SLC26A11: variants seen among roughly 807,000 people sequenced by gnomAD.
SLC26A11 encodes sodium-independent sulfate anion transporter.
Under a neutral mutation model 62.2 loss-of-function variants are expected in SLC26A11, and 58 were observed. The ratio of observed to expected loss-of-function variants is 0.93; its 90% confidence interval spans 0.76 to 1.16. The LOEUF (loss-of-function observed/expected upper bound fraction) is 1.16. Among genes scored for constraint, SLC26A11 ranks in the 50% most tolerant of loss-of-function variants. The probability of loss-of-function intolerance (pLI) is 0.00; values close to 1 mark genes in which losing one functional copy is unlikely to be tolerated. For synonymous variants in SLC26A11, 411 were observed against 368.9 expected, an observed-to-expected ratio of 1.11 and a Z score of -1.31; for missense variants, 790 against 794.3, an observed-to-expected ratio of 0.99 and a Z score of 0.06.
chr17:80,238,899 C>T (rs1181934011), intron 9 of SLC26A11, among the ~76,000 whole-genome samples: 1 of 143,606 alleles, frequency 7.0e-6, no homozygotes, highest in Non-Finnish European at 1.5e-5. Context: ...GATCTCTGCT[C>T]ACTGCAACCT....
Position 80,221,626 on chromosome 17 carries a change from C to G in SLC26A11, c.66C>G (p.Ala22=). 1 of 1,610,810 alleles carries G rather than the reference C, an allele frequency of 6.2e-7. No homozygotes were observed. Among genetic ancestry groups the G allele is most frequent in the African/African-American group, 1.3e-5 (1 of 75,046 alleles). ...RSSGPGMAPS[A]CCCSPAALQR... ...CTGGCCCCGGGATGGCCCCGAGCGC[C>G]TGCTGCTGCTCCCCTGCGGCCCTGC... The change falls in exon 3 of 18, where the codon GCC becomes GCG. Residue 22 remains alanine (A), a synonymous_variant. Coordinates refer to ENST00000361193, the MANE Select transcript of SLC26A11 (RefSeq NM_001166347.2).
chr17:80,235,796 C>T (rs934820237), intron 7 of SLC26A11, among the ~76,000 whole-genome samples: 2 of 152,216 alleles, frequency 1.3e-5, no homozygotes, highest in African/African-American at 2.4e-5. Context: ...AGTTAAGTTA[C>T]TTAGGACAGT....
At chr17:80,245,083 C>T (rs575139718) in intron 10 of SLC26A11, 113 bp from the exon 11 acceptor site, 35 of 907,278 alleles carry the variant, frequency 3.9e-5, no homozygotes, top group South Asian at 2.6e-4. Context: ...GGATGATTCT[C>T]CCGAGCCCTG....
chr17:80,246,433 T>C lies in SLC26A11; in HGVS notation c.1154-76T>C. ...CACCCCTGTCCCCAGTGGGCTCTGC[T>C]GAACAAGAGGCTGCTACGCTGCGTG... On this transcript the variant is annotated intron_variant, in intron 12 of 17. Transcript: ENST00000361193. This position sits in a 1 kb window ranked among gnomAD's most constrained non-coding sequence, Gnocchi z 4.4. 1 of 1,583,950 alleles carries C rather than the reference T, an allele frequency of 6.3e-7. No individual in the cohort carries two copies. The highest frequency in any genetic ancestry group is 1.7e-5 in the Admixed American group (1 of 59,008).
At chr17:80,245,057 T>G (rs2042958931) in intron 10 of SLC26A11, 139 bp from the exon 11 acceptor site, 2 of 689,640 alleles carry the variant, frequency 2.9e-6, no homozygotes, top group Non-Finnish European at 2.6e-6. Flanking sequence ...AAGGAGTGCG[T>G]AGGCCCAGGC....
chr17:80,225,383 G>A (rs553534314), intron 5 of SLC26A11, among the ~76,000 whole-genome samples: 19 of 152,184 alleles, frequency 1.2e-4, no homozygotes, highest in Non-Finnish European at 2.6e-4. Context: ...GCGGAGCTGG[G>A]GGGTGGCGGG....
At chr17:80,225,701 TG>T in intron 5 of SLC26A11, 135 bp from the exon 6 acceptor site, 8 of 760,620 alleles carry the variant, frequency 1.1e-5, no homozygotes, top group Non-Finnish European at 1.8e-5. Context: ...GCCCCTAAGA[TG>T]GGCCCCGGGA....
At chr17:80,241,694 C>T (rs2042864751) in intron 9 of SLC26A11, 77 bp from the exon 10 acceptor site, 3 of 1,419,670 alleles carry the variant, frequency 2.1e-6, no homozygotes, top group East Asian at 4.6e-5. Context: ...AATTCATAAT[C>T]TGTGTTACAT....
intron 10 of SLC26A11, 89 bp downstream of exon 10, chr17:80,241,910 G>C (rs1598829516): frequency 7.2e-7 from 1 of 1,384,870 alleles, no homozygotes; most frequent in Non-Finnish European, 1.0e-6. Flanking sequence ...ATTGTAGGAA[G>C]ACCATGATGG....
At position 80,247,449 on chromosome 17, in the gene SLC26A11, G is replaced by A. The variant is rs528766608; in HGVS notation, c.1295-681G>A. 7.2e-5 allele frequency among the ~76,000 whole-genome samples: 11 copies of A among 152,274 alleles called. 1 individual carries two copies. In the South Asian group the frequency reaches 2.1e-3, roughly 29 times the overall value. On this transcript the variant is annotated intron_variant, in intron 13 of 17. Coordinates refer to ENST00000361193, the MANE Select transcript of SLC26A11 (RefSeq NM_001166347.2). Reference sequence around the variant, plus strand: ...CAGAGGCGCCCCTCACCTCCCGGACGGGAGCAGTTCCTTTAACTTAACACA... The same window carrying A: ...CAGAGGCGCCCCTCACCTCCCGGACAGGAGCAGTTCCTTTAACTTAACACA...
chr17:80,248,423 C>T, intron 14 of SLC26A11, 152 bp from the exon 15 acceptor site: 1 of 1,257,876 alleles, frequency 7.9e-7, no homozygotes, highest in Non-Finnish European at 1.1e-6. Flanking sequence ...TGTTCTCCCA[C>T]TGTGTGGGGG....
Position 80,228,280 on chromosome 17 carries a change from A to G in SLC26A11, c.736+320A>G, listed in dbSNP as rs1317055766. On this transcript the variant is annotated intron_variant, in intron 7 of 17. Coordinates refer to ENST00000361193, the MANE Select transcript of SLC26A11 (RefSeq NM_001166347.2). This position sits in a 1 kb window ranked among gnomAD's most constrained non-coding sequence, Gnocchi z 4.1. Reference sequence around the variant, plus strand: ...CCTGAGTAGCTGGGATTACAGGCGCATGCCACCACGCTCGACTGATTTTTG... The same window carrying G: ...CCTGAGTAGCTGGGATTACAGGCGCGTGCCACCACGCTCGACTGATTTTTG... Among the ~76,000 whole-genome samples, 1 of 152,050 alleles carries G rather than the reference A, an allele frequency of 6.6e-6. No individual in the cohort carries two copies. Among genetic ancestry groups the G allele is most frequent in the Non-Finnish European group, 1.5e-5 (1 of 67,996 alleles).
chr17:80,244,127 A>AC (rs2042935077), intron 10 of SLC26A11, among the ~76,000 whole-genome samples: 1 of 152,192 alleles, frequency 6.6e-6, no homozygotes, highest in South Asian at 2.1e-4. Flanking sequence ...CAGGCCCTGC[A>AC]CCTGTGAGAC....
intron 9 of SLC26A11, among the ~76,000 whole-genome samples, chr17:80,240,635 T>C (rs2042835295): frequency 6.6e-6 from 1 of 151,754 alleles, no homozygotes. Flanking sequence ...AAACCCCGTC[T>C]CTACTAAAAA....
chr17:80,252,531 A>T lies in SLC26A11; in HGVS notation c.1730-94A>T. On this transcript the variant is annotated intron_variant, in intron 17 of 17. Coordinates refer to ENST00000361193, the MANE Select transcript of SLC26A11 (RefSeq NM_001166347.2). This position sits in a 1 kb window ranked among gnomAD's most constrained non-coding sequence, Gnocchi z 5.2. ...AGCTCCTTCCTGCACACCTTCCAGG[A>T]CTCTGGAAGGCCCTCCTTAATCCCT... is the stretch of plus-strand genomic sequence containing the variant. The T allele has an allele frequency of 8.6e-7, 1 of 1,161,550 alleles. No homozygotes were observed. Among genetic ancestry groups the T allele is most frequent in the Non-Finnish European group, 1.2e-6 (1 of 803,732 alleles). 72.0% of individuals were successfully genotyped at this position (1,161,550 alleles called of 1,614,324 possible).
intron 8 of SLC26A11, 28 bp downstream of exon 8, chr17:80,237,131 G>A (rs376516997): frequency 8.1e-6 from 13 of 1,598,874 alleles, no homozygotes; most frequent in Middle Eastern, 1.7e-4. Context: ...GCAGGATGGC[G>A]TGGCTGAGGC....
intron 3 of SLC26A11, 111 bp downstream of exon 3, chr17:80,221,905 G>A: frequency 1.7e-6 from 2 of 1,183,340 alleles, no homozygotes; most frequent in East Asian, 5.2e-5. Flanking sequence ...GGGCCCCAAG[G>A]AACCTTTGGT....
At chr17:80,249,632 G>A (rs562103479) in intron 16 of SLC26A11, among the ~76,000 whole-genome samples, 2 of 152,302 alleles carry the variant, frequency 1.3e-5, no homozygotes, top group South Asian at 2.1e-4. Flanking sequence ...GAGGCTAGGC[G>A]TGGTGGCACA....
At chr17:80,235,557 AT>A (rs1353253866) in intron 7 of SLC26A11, among the ~76,000 whole-genome samples, 1 of 152,052 alleles carries the variant, frequency 6.6e-6, no homozygotes, top group Non-Finnish European at 1.5e-5. Flanking sequence ...TGTCTCACTA[AT>A]TTGCTCAGGC....
Sources: gnomAD v4.1 joint callset for allele counts (sites outside exome capture counted in the v4.1 genomes callset) on GRCh38, gnomAD v4.1.1 for gene constraint, Gnocchi (gnomAD v3.1) non-coding constraint, MANE v1.5 for transcripts, NCBI Gene and HGNC (gene_info 2026-07-23, HGNC 2026-07-21) for gene names.